RPS6KA1: variants seen among roughly 807,000 people sequenced by gnomAD.
The protein encoded by RPS6KA1 is ribosomal protein S6 kinase alpha-1.
RPS6KA1 carries 48 observed loss-of-function variants against 91.3 expected under a neutral mutation model. That is an observed-to-expected ratio of 0.53 (90% CI 0.42 to 0.67). The LOEUF is 0.67. RPS6KA1 is among the 30% of genes least tolerant of loss of function. RPS6KA1 has a pLI of 0.00. For missense variants in RPS6KA1, 719 were observed against 960.5 expected (o/e 0.75, Z 3.32); for synonymous variants, 359 against 384.7 (o/e 0.93, Z 0.78).
At chr1:26,572,529 T>C (rs1172656791) in intron 20 of RPS6KA1, among the ~76,000 whole-genome samples, 2 of 152,086 alleles carry the variant, frequency 1.3e-5, no homozygotes, top group African/African-American at 2.4e-5. Context: ...TGTGGGGCAC[T>C]GAGGGCTGCA....
At chr1:26,573,981 G>T in intron 21 of RPS6KA1, 98 bp from the exon 22 acceptor site, 1 of 1,361,722 alleles carries the variant, frequency 7.3e-7, no homozygotes, top group South Asian at 1.4e-5. Context: ...AAAGTGGGCT[G>T]TGGAACACTG....
At chr1:26,564,230 TTTTAAA>T (rs2076179033) in intron 17 of RPS6KA1, among the ~76,000 whole-genome samples, 1 of 152,044 alleles carries the variant, frequency 6.6e-6, no homozygotes, top group Non-Finnish European at 1.5e-5. Context: ...CTGCCTACCT[TTTTAAA>T]TTTAATTTTA....
At position 26,571,857 on chromosome 1, in the gene RPS6KA1, G is replaced by A; in HGVS notation, c.1761G>A (p.Lys587=). The A allele has an allele frequency of 1.2e-6, 2 of 1,609,694 alleles. No individual in the cohort carries two copies. Among genetic ancestry groups the A allele is most frequent in the Admixed American group, 3.3e-5 (2 of 60,016 alleles). ...TANFVAPEVL[K]RQGYDEGCDI... is the part of the protein sequence containing the mutation. ...CCCTGCCCTGTTGCCAGGTGCTGAAGCGCCAGGGCTACGATGAAGGCTGCG... is the reference window on the plus strand; with the variant it reads ...CCCTGCCCTGTTGCCAGGTGCTGAAACGCCAGGGCTACGATGAAGGCTGCG... The change falls in exon 19 of 22, where the codon AAG becomes AAA. Residue 587 remains lysine (K), a synonymous_variant. Transcript: ENST00000374168. The surrounding 1 kb of genome is among the most constrained non-coding windows in gnomAD (Gnocchi z 5.1).
rs750117169 is a variant in RPS6KA1 at position 26,561,687 on chromosome 1, G to A, written c.1590+24G>A. On this transcript the variant is annotated intron_variant, in intron 17 of 21. Coordinates refer to ENST00000374168, the MANE Select transcript of RPS6KA1 (RefSeq NM_002953.4). The surrounding 1 kb of genome is among the most constrained non-coding windows in gnomAD (Gnocchi z 5.7). ...GGGTGAGTCTGGATTCGGGGAGGCA[G>A]TAGGGGGATGCCAAGGGTCATATCA... 2 of 1,571,514 alleles carry A rather than the reference G, an allele frequency of 1.3e-6. No homozygotes were observed.
Position 26,574,085 on chromosome 1 carries a change from A to G in RPS6KA1, c.2092A>G (p.Met698Val), listed in dbSNP as rs1181574632. Residue 698 changes from methionine to valine, a missense_variant, in exon 22 of 22, where the codon ATG becomes GTG. Around this residue, in one of 5 missense-constraint regions of RPS6KA1, gnomAD observed 249 missense variants for 323.1 expected, o/e 0.77. Coordinates refer to ENST00000374168, the MANE Select transcript of RPS6KA1 (RefSeq NM_002953.4). This position sits in a 1 kb window ranked among gnomAD's most constrained non-coding sequence, Gnocchi z 4.3. Reference sequence around the variant, plus strand: ...CTCCCCACTTCTCTTTCAGGGAGCCATGGCTGCCACGTACTCCGCACTCAA... The same window carrying G: ...CTCCCCACTTCTCTTTCAGGGAGCCGTGGCTGCCACGTACTCCGCACTCAA... The part of the protein sequence containing the change: ...HQDLQLVKGA[M>V]AATYSALNSS... 5 of 1,613,824 alleles carry G rather than the reference A, an allele frequency of 3.1e-6. No homozygotes were observed. The highest frequency in any genetic ancestry group is 1.7e-5 in the Admixed American group (1 of 59,992).
chr1:26,538,810 G>C (rs2075925313), intron 2 of RPS6KA1, among the ~76,000 whole-genome samples: 1 of 152,142 alleles, frequency 6.6e-6, no homozygotes. Context: ...CCAGTCCTGG[G>C]CACCTGCTCA....
chr1:26,549,973 G>A (rs560571826), intron 4 of RPS6KA1, among the ~76,000 whole-genome samples: 11 of 151,322 alleles, frequency 7.3e-5, no homozygotes, highest in Admixed American at 2.0e-4. Context: ...TCTGCCTCCC[G>A]GGTTCAAGTG....
At position 26,547,535 on chromosome 1, in the gene RPS6KA1, T is replaced by G; in HGVS notation, c.307+265T>G. 1 of 413,158 alleles carries G rather than the reference T, an allele frequency of 2.4e-6. No individual in the cohort carries two copies. Among genetic ancestry groups the G allele is most frequent in the East Asian group, 5.0e-5 (1 of 20,124 alleles). The allele number at this position is 413,158 out of a possible 1,614,324, so 25.6% of individuals were successfully genotyped here. ...TTTGTCAGGGGGCGGGGCCCTCAACTACCAAGCTGGTCAAGCAGAGGCATT... is the reference window on the plus strand; with the variant it reads ...TTTGTCAGGGGGCGGGGCCCTCAACGACCAAGCTGGTCAAGCAGAGGCATT... On this transcript the variant is annotated intron_variant, in intron 4 of 21. Transcript: ENST00000374168. This position sits in a 1 kb window ranked among gnomAD's most constrained non-coding sequence, Gnocchi z 4.1.
rs1018827474 is a variant in RPS6KA1 at position 26,536,118 on chromosome 1, C to T, written c.64-807C>T. Among the ~76,000 whole-genome samples the T allele has an allele frequency of 2.1e-5, 3 of 144,026 alleles. No homozygotes were observed. In the Admixed American group the frequency reaches 2.2e-4, roughly 10 times the overall value. 94.5% of individuals were successfully genotyped at this position (144,026 alleles called of 152,430 possible). On this transcript the variant is annotated intron_variant, in intron 1 of 21. Transcript: ENST00000374168. Reference sequence around the variant, plus strand: ...GCAGTGAGCTGCGATTGCACTACTGCACTCCAGCCTCAGCAACAGAGCAAA... The same window carrying T: ...GCAGTGAGCTGCGATTGCACTACTGTACTCCAGCCTCAGCAACAGAGCAAA...
intron 2 of RPS6KA1, among the ~76,000 whole-genome samples, chr1:26,541,290 C>T (rs542413239): frequency 1.3e-5 from 2 of 148,352 alleles, no homozygotes; most frequent in African/African-American, 2.5e-5. Flanking sequence ...CACAGTGCCT[C>T]ACACCTGTAA....
chr1:26,558,830 G>A lies in RPS6KA1; in HGVS notation c.1108G>A (p.Ala370Thr), dbSNP rs763011600. The A allele has an allele frequency of 1.2e-5, 20 of 1,612,462 alleles. No individual in the cohort carries two copies. The highest frequency in any genetic ancestry group is 3.3e-5 in the South Asian group (3 of 91,012). The change falls in exon 14 of 22, where the codon GCT becomes ACT. Residue 370 changes from alanine to threonine, a missense_variant. Physicochemically the swap from Ala to Thr is moderately conservative, Grantham distance 58. This residue lies in a region of RPS6KA1 where 228 missense variants were observed against 247.6 expected (regional missense o/e 0.92). Coordinates refer to ENST00000374168, the MANE Select transcript of RPS6KA1 (RefSeq NM_002953.4). This position sits in a 1 kb window ranked among gnomAD's most constrained non-coding sequence, Gnocchi z 4.0. The part of the protein sequence containing the change: ...PKDSPGIPPS[A>T]GAHQLFRGFS... ...AGATTCCCCAGGCATCCCCCCCAGCGCTGGGGCCCATCAGCTGTTCCGGGG... is the reference window on the plus strand; with the variant it reads ...AGATTCCCCAGGCATCCCCCCCAGCACTGGGGCCCATCAGCTGTTCCGGGG...
chr1:26,574,045 C>A lies in RPS6KA1; in HGVS notation c.2086-34C>A. On this transcript the variant is annotated intron_variant, in intron 21 of 21. Transcript: ENST00000374168. The surrounding 1 kb of genome is among the most constrained non-coding windows in gnomAD (Gnocchi z 4.3). ...GATCCCCTCCCCGCTACATCTCCCACCATTGTGACCTGACCTCCCCACTTC... is the reference window on the plus strand; with the variant it reads ...GATCCCCTCCCCGCTACATCTCCCAACATTGTGACCTGACCTCCCCACTTC... 1.9e-6 allele frequency: 3 copies of A among 1,602,952 alleles called. No homozygotes were observed. Among genetic ancestry groups the A allele is most frequent in the Non-Finnish European group, 2.6e-6 (3 of 1,171,244 alleles).
intron 1 of RPS6KA1, among the ~76,000 whole-genome samples, chr1:26,535,619 C>T (rs1012443486): frequency 6.6e-6 from 1 of 152,100 alleles, no homozygotes; most frequent in African/African-American, 2.4e-5. Flanking sequence ...TAATAACCAC[C>T]TGAGAGTGAA....
At chr1:26,548,278 T>C (rs2076014772) in intron 4 of RPS6KA1, among the ~76,000 whole-genome samples, 1 of 151,606 alleles carries the variant, frequency 6.6e-6, no homozygotes, top group Admixed American at 6.6e-5. Flanking sequence ...TACCCGACAG[T>C]GTGGTGCAGC....
intron 1 of RPS6KA1, among the ~76,000 whole-genome samples, chr1:26,531,701 A>G (rs763606859): frequency 5.3e-5 from 8 of 152,194 alleles, no homozygotes; most frequent in Non-Finnish European, 1.2e-4. Context: ...GCTTCGCTCC[A>G]GAAACGATGT....
At chr1:26,553,217 G>A (rs561797663) in intron 6 of RPS6KA1, among the ~76,000 whole-genome samples, 174 bp from the exon 7 acceptor site, 179 of 152,258 alleles carry the variant, frequency 1.2e-3, no homozygotes, top group Non-Finnish European at 2.2e-3. Flanking sequence ...AGTGGCTTGC[G>A]TATTAGTCAT....
Position 26,574,396 on chromosome 1 carries a change from A to C in RPS6KA1, c.*195A>C, listed in dbSNP as rs765045089. The C allele has an allele frequency of 5.0e-6, 4 of 793,422 alleles. No individual in the cohort carries two copies. The South Asian group carries it at 5.4e-5, about 11-fold the overall frequency. 49.1% of individuals were successfully genotyped at this position (793,422 alleles called of 1,614,324 possible). On this transcript the variant is annotated 3_prime_UTR_variant, in exon 22 of 22. Coordinates refer to ENST00000374168, the MANE Select transcript of RPS6KA1 (RefSeq NM_002953.4). This position sits in a 1 kb window ranked among gnomAD's most constrained non-coding sequence, Gnocchi z 4.3. ...CCCCAGGATGGACTCTTCTCGGCTC[A>C]GGCTCTGCTGGTGGAAAGCGATTCA...
intron 6 of RPS6KA1, among the ~76,000 whole-genome samples, chr1:26,552,551 G>A (rs191906665): frequency 2.0e-5 from 3 of 148,526 alleles, no homozygotes; most frequent in Non-Finnish European, 4.5e-5. Flanking sequence ...CACTGGTGGG[G>A]TCTCAGCTCA....
At position 26,560,759 on chromosome 1, in the gene RPS6KA1, G is replaced by T. The variant is rs766769482; in HGVS notation, c.1249G>T (p.Gly417Cys). ...LHGKNLVFSD[G>C]YVVKETIGVG... is the part of the protein sequence containing the mutation. ...TGGGAAGAACCTGGTTTTTAGTGAC[G>T]GCTACGTGGTAAAGGAGACAATTGG... Residue 417 changes from glycine (G) to cysteine (C), a missense_variant, in exon 15 of 22, where the codon GGC becomes TGC. Gly to Cys is a radical substitution (Grantham distance 159). This residue lies in a region of RPS6KA1 where 228 missense variants were observed against 247.6 expected (regional missense o/e 0.92). Coordinates refer to ENST00000374168, the MANE Select transcript of RPS6KA1 (RefSeq NM_002953.4). 2 of 1,614,192 alleles carry T rather than the reference G, an allele frequency of 1.2e-6. No homozygotes were observed. Among genetic ancestry groups the T allele is most frequent in the Non-Finnish European group, 1.7e-6 (2 of 1,180,026 alleles).
Sources: allele counts gnomAD v4.1 joint callset (sites outside exome capture counted in the v4.1 genomes callset), GRCh38; gene constraint gnomAD v4.1.1; regional missense constraint gnomAD v4.1.1; non-coding constraint Gnocchi (gnomAD v3.1); transcripts MANE v1.5; gene names NCBI Gene and HGNC (gene_info 2026-07-23, HGNC 2026-07-21).